DNAH9: variants seen among roughly 807,000 people sequenced by gnomAD.
DNAH9 encodes the protein dynein axonemal heavy chain 9, also known as DNAH9 variant protein.
In DNAH9, 345 loss-of-function variants were observed where a neutral mutation model predicts 471.6. That is an observed-to-expected ratio of 0.73 (90% confidence interval 0.67 to 0.80). DNAH9 has a LOEUF of 0.80. Ranked by LOEUF, DNAH9 falls within the 30% of genes least tolerant of loss-of-function variation. The pLI, the probability that DNAH9 is intolerant of heterozygous loss-of-function variation, is 0.00. For missense variants in DNAH9, 5,407 were observed against 5,609.2 expected (o/e 0.96, Z 1.15); for synonymous variants, 2,093 against 2,123.6 (o/e 0.99, Z 0.40).
intron 68 of DNAH9, among the ~76,000 whole-genome samples, chr17:11,968,079 T>C (rs73980542): frequency 0.045 from 6,794 of 152,276 alleles, 518 homozygotes; most frequent in African/African-American, 0.16. Flanking sequence ...TCATAGAGTT[T>C]CTTTTTGGGG....
rs1392497337 is a variant in DNAH9, at chr17:11,644,611, T to C, written c.1902-20T>C. 3.2e-6 allele frequency: 5 copies of C among 1,582,190 alleles called. No individual in the cohort carries two copies. In the African/African-American group the frequency reaches 6.7e-5, roughly 21 times the overall value. On this transcript the variant is annotated intron_variant, in intron 10 of 68. Coordinates refer to ENST00000262442, the MANE Select transcript of DNAH9 (RefSeq NM_001372.4). Reference sequence around the variant, plus strand: ...AACTTCTTCTAATTCTGTGTCACTTTTTCTCTTTTGTACGAGTAGTTGCAT... The same window carrying C: ...AACTTCTTCTAATTCTGTGTCACTTCTTCTCTTTTGTACGAGTAGTTGCAT...
intron 26 of DNAH9, 54 bp from the exon 27 acceptor site, chr17:11,719,280 C>T (rs1482044347): frequency 6.3e-7 from 1 of 1,576,526 alleles, no homozygotes; most frequent in Non-Finnish European, 8.7e-7. Context: ...GAGCCTTAGT[C>T]CTATCTCACT....
intron 27 of DNAH9, among the ~76,000 whole-genome samples, chr17:11,722,314 G>T (rs1461963723): frequency 6.6e-6 from 1 of 152,182 alleles, no homozygotes; most frequent in Non-Finnish European, 1.5e-5. Context: ...TTGAAGTGGG[G>T]GATGCAGAAA....
At chr17:11,844,417 C>T (rs1971142609) in intron 49 of DNAH9, among the ~76,000 whole-genome samples, 2 of 152,106 alleles carry the variant, frequency 1.3e-5, no homozygotes, top group Non-Finnish European at 2.9e-5. Context: ...TTTGAAGCCA[C>T]ATCATGGTAA....
At chr17:11,704,943 C>A in intron 25 of DNAH9, 82 bp from the exon 26 acceptor site, 1 of 1,144,422 alleles carries the variant, frequency 8.7e-7, no homozygotes, top group Non-Finnish European at 1.3e-6. Context: ...ACAGCCAAGG[C>A]ATCAGACCCC....
At position 11,651,062 on chromosome 17, in the gene DNAH9, T is replaced by A; in HGVS notation, c.2098-7T>A. 1 of 1,611,610 alleles carries A rather than the reference T, an allele frequency of 6.2e-7. No individual in the cohort carries two copies. Among genetic ancestry groups the A allele is most frequent in the South Asian group, 1.1e-5 (1 of 90,920 alleles). On this transcript the variant is annotated splice_polypyrimidine_tract_variant and splice_region_variant and intron_variant, in intron 12 of 68. Transcript: ENST00000262442. ...CGACAGACACTTGTGTTGCTTCTTTTCTCCAGCTGATTTCAGTGCTGAAAG... is the reference window on the plus strand; with the variant it reads ...CGACAGACACTTGTGTTGCTTCTTTACTCCAGCTGATTTCAGTGCTGAAAG...
intron 4 of DNAH9, 64 bp from the exon 5 acceptor site, chr17:11,617,347 A>G: frequency 8.5e-7 from 1 of 1,170,058 alleles, no homozygotes; most frequent in Non-Finnish European, 1.2e-6. Flanking sequence ...CCCAGGGACT[A>G]GGGCTCCACC....
chr17:11,807,223 C>T (rs1235965913), intron 43 of DNAH9, among the ~76,000 whole-genome samples: 3 of 152,312 alleles, frequency 2.0e-5, no homozygotes, highest in East Asian at 1.9e-4. Flanking sequence ...TGTCCGGGCT[C>T]CCTGTTTCTC....
chr17:11,737,623 A>G (rs1365167241), intron 28 of DNAH9, among the ~76,000 whole-genome samples: 1 of 152,180 alleles, frequency 6.6e-6, no homozygotes, highest in African/African-American at 2.4e-5. Context: ...ACCAGGTGTG[A>G]CAATAAATGG....
chr17:11,840,664 G>A (rs144014340), intron 49 of DNAH9, among the ~76,000 whole-genome samples: 34 of 152,206 alleles, frequency 2.2e-4, no homozygotes, highest in African/African-American at 7.7e-4. Flanking sequence ...TGAGACAGGG[G>A]GATTATCTGG....
intron 17 of DNAH9, among the ~76,000 whole-genome samples, chr17:11,672,056 TA>T (rs1334540641): frequency 6.6e-6 from 1 of 152,270 alleles, no homozygotes; most frequent in Non-Finnish European, 1.5e-5. Flanking sequence ...ATAGAAATAA[TA>T]AAAAAATTAT....
chr17:11,756,755 C>A, intron 34 of DNAH9, 79 bp downstream of exon 34: 1 of 891,674 alleles, frequency 1.1e-6, no homozygotes, highest in Non-Finnish European at 1.9e-6. Flanking sequence ...GTTTTGCTGG[C>A]TCAGAAGGAA....
intron 17 of DNAH9, among the ~76,000 whole-genome samples, chr17:11,674,196 A>C (rs920126143): frequency 6.6e-6 from 1 of 152,188 alleles, no homozygotes; most frequent in African/African-American, 2.4e-5. Context: ...TTGCTGTAAG[A>C]ACTCTTATAT....
rs183567106 is a variant in DNAH9, at chr17:11,822,742, C to T, written c.9013-59C>T. 4.6e-5 allele frequency: 73 copies of T among 1,592,724 alleles called. No homozygotes were observed. The African/African-American group carries it at 6.7e-4, about 15-fold the overall frequency. On this transcript the variant is annotated intron_variant, in intron 47 of 68. Transcript: ENST00000262442. ...AGGAATGGCTGGGGTGAGGGGTGAGCAGTTGCCTCCAATCTTCAACACAAG... is the reference window on the plus strand; with the variant it reads ...AGGAATGGCTGGGGTGAGGGGTGAGTAGTTGCCTCCAATCTTCAACACAAG...
At chr17:11,909,697 CGCT>C (rs1555619485) in intron 61 of DNAH9, among the ~76,000 whole-genome samples, 1 of 152,128 alleles carries the variant, frequency 6.6e-6, no homozygotes, top group Non-Finnish European at 1.5e-5. Context: ...AGATGAGACA[CGCT>C]GCTGCCCACC....
intron 45 of DNAH9, among the ~76,000 whole-genome samples, chr17:11,819,191 C>T (rs890675418): frequency 6.6e-6 from 1 of 152,134 alleles, no homozygotes; most frequent in African/African-American, 2.4e-5. Context: ...AATTTATTTC[C>T]TTGCGAAACA....
chr17:11,657,128 G>A (rs1193055345), intron 14 of DNAH9, among the ~76,000 whole-genome samples: 2 of 152,122 alleles, frequency 1.3e-5, no homozygotes, highest in African/African-American at 4.8e-5. Context: ...TTTAATGTGT[G>A]TAAGTAATAG....
At position 11,854,374 on chromosome 17, in the gene DNAH9, C is replaced by A. The variant is rs762339970; in HGVS notation, c.9879C>A (p.Thr3293=). The A allele has an allele frequency of 2.5e-6, 4 of 1,613,926 alleles. No individual in the cohort carries two copies. In the Admixed American group the frequency reaches 5.0e-5, roughly 20 times the overall value. Residue 3293 remains threonine, a synonymous_variant, in exon 50 of 69, where the codon ACC becomes ACA. Coordinates refer to ENST00000262442, the MANE Select transcript of DNAH9 (RefSeq NM_001372.4). ...AGCGCCAGGCACTGAACAAAGCCACCGCGGACCTCACAGCTGCCCAGGAGA... is the reference window on the plus strand; with the variant it reads ...AGCGCCAGGCACTGAACAAAGCCACAGCGGACCTCACAGCTGCCCAGGAGA... ...EPKRQALNKA[T]ADLTAAQEKL...
At chr17:11,699,613 C>A in intron 22 of DNAH9, 118 bp from the exon 23 acceptor site, 1 of 847,176 alleles carries the variant, frequency 1.2e-6, no homozygotes, top group Non-Finnish European at 1.9e-6. Flanking sequence ...CTTCTAAATG[C>A]TTGGTATCCA....
Sources: gnomAD v4.1 joint callset for allele counts (sites outside exome capture counted in the v4.1 genomes callset) on GRCh38, gnomAD v4.1.1 for gene constraint, MANE v1.5 for transcripts, NCBI Gene and HGNC (gene_info 2026-07-23, HGNC 2026-07-21) for gene names.